The following ZNF436 variants were observed in gnomAD, a reference collection of about 807,000 sequenced individuals.
ZNF436 encodes DNA-binding protein.
In ZNF436, 22 loss-of-function variants were observed where a neutral mutation model predicts 41.9. The observed-to-expected ratio is 0.53, with a 90% CI of 0.38 to 0.75. ZNF436 has a LOEUF of 0.75. ZNF436 is among the 30% of genes least tolerant of loss of function. The probability of loss-of-function intolerance (pLI) is 0.00; values close to 1 mark genes in which losing one functional copy is unlikely to be tolerated. For synonymous variants in ZNF436, 217 were observed against 197.8 expected (o/e 1.10, Z -0.82); for missense variants, 506 against 587.3 (o/e 0.86, Z 1.43).
chr1:23,364,863 T>A (rs1048885837), intron 3 of ZNF436, among the ~76,000 whole-genome samples: 1 of 152,230 alleles, frequency 6.6e-6, no homozygotes, highest in African/African-American at 2.4e-5. Flanking sequence ...AAAGGGTTCA[T>A]GGATAAACTG....
chr1:23,363,778 G>A (rs548250067), intron 3 of ZNF436, among the ~76,000 whole-genome samples: 3 of 152,292 alleles, frequency 2.0e-5, no homozygotes, highest in African/African-American at 2.4e-5. Context: ...CGTGGCTCAC[G>A]CATGTAATCC....
At chr1:23,364,819 C>T (rs766175697) in intron 3 of ZNF436, among the ~76,000 whole-genome samples, 2 of 152,200 alleles carry the variant, frequency 1.3e-5, no homozygotes, top group Non-Finnish European at 2.9e-5. Context: ...TTTCTTAGTA[C>T]ACTCTTCAGA....
Position 23,361,958 on chromosome 1 carries a change from A to G in ZNF436, c.*11T>C, listed in dbSNP as rs368912354. ...TCAAATGAATCATTTCTCAGCCATCATAATTACAGCTTAGTCCGTATGAAC... is the reference window on the plus strand; with the variant it reads ...TCAAATGAATCATTTCTCAGCCATCGTAATTACAGCTTAGTCCGTATGAAC... On this transcript the variant is annotated 3_prime_UTR_variant, in exon 4 of 4. Transcript: ENST00000314011. 20 of 1,560,236 alleles carry G rather than the reference A, an allele frequency of 1.3e-5. No individual in the cohort carries two copies. In the African/African-American group the frequency reaches 2.5e-4, roughly 19 times the overall value.
chr1:23,361,060 G>C lies in ZNF436; in HGVS notation c.*909C>G, dbSNP rs191585796. The C allele has an allele frequency of 1.3e-5, 2 of 152,524 alleles. No individual in the cohort carries two copies. The highest frequency in any genetic ancestry group is 6.5e-5 in the Admixed American group (1 of 15,310). 9.4% of individuals were successfully genotyped at this position (152,524 alleles called of 1,614,324 possible). A position where few individuals can be genotyped will look rare whatever the true frequency, so the allele number is the denominator to read the frequency against. On this transcript the variant is annotated 3_prime_UTR_variant, in exon 4 of 4. Transcript: ENST00000314011. ...TTGATCTTAAAGATTAGAAGGGAAA[G>C]AACACAGAAACGACCTACATTCCTT...
rs144729139 is a variant in ZNF436, at chr1:23,362,035, G to A, written c.1347C>T (p.Thr449=). 7.4e-6 allele frequency: 12 copies of A among 1,614,020 alleles called. No individual in the cohort carries two copies. Among genetic ancestry groups the A allele is most frequent in the African/African-American group, 5.3e-5 (4 of 75,002 alleles). ...VHTGEKPYEC[T]ECEKSFSRSS... ...TCCTGCTGAAACTCTTCTCACATTC[G>A]GTACATTCATAAGGTTTCTCTCCCG... The change falls in exon 4 of 4, where the codon ACC becomes ACT. Residue 449 remains threonine (T), a synonymous_variant. Transcript: ENST00000314011.
chr1:23,362,842 G>A lies in ZNF436; in HGVS notation c.540C>T (p.His180=). 1 of 1,614,208 alleles carries A rather than the reference G, an allele frequency of 6.2e-7. No individual in the cohort carries two copies. ...TATGTGTTCTTTGATGCTGAATAAG[G>A]TGTGAGCTGCGACTGAAGCCTTTTC... The part of the protein sequence containing the change: ...ECGKGFSRSS[H]LIQHQRTHTG... Residue 180 remains histidine (H), a synonymous_variant, in exon 4 of 4, where the codon CAC becomes CAT. Transcript: ENST00000314011.
In ZNF436 at chr1:23,369,535, T is replaced by C. The variant is rs147377149; in HGVS notation, c.-230A>G. The C allele has an allele frequency of 3.8e-6, 2 of 532,104 alleles. No individual in the cohort carries two copies. The highest frequency in any genetic ancestry group is 7.7e-6 in the Non-Finnish European group (2 of 258,548). The allele number at this position is 532,104 out of a possible 1,614,324, so 33.0% of individuals were successfully genotyped here. Reference sequence around the variant, plus strand: ...GCAGGTAGATCTCGAATTCGTAGACTTGCAGGCGAAGCCCAGATATCGTAG... The same window carrying C: ...GCAGGTAGATCTCGAATTCGTAGACCTGCAGGCGAAGCCCAGATATCGTAG... On this transcript the variant is annotated 5_prime_UTR_variant, in exon 1 of 4. Coordinates refer to ENST00000314011, the MANE Select transcript of ZNF436 (RefSeq NM_001077195.2).
chr1:23,364,267 C>T (rs1638308786), intron 3 of ZNF436, among the ~76,000 whole-genome samples: 1 of 152,086 alleles, frequency 6.6e-6, no homozygotes, highest in Admixed American at 6.6e-5. Context: ...GATGGAATTT[C>T]ACTCTTGTTG....
At chr1:23,363,633 A>G (rs1246955023) in intron 3 of ZNF436, among the ~76,000 whole-genome samples, 1 of 152,212 alleles carries the variant, frequency 6.6e-6, no homozygotes, top group Non-Finnish European at 1.5e-5. Context: ...GAAATCCAAG[A>G]CCCAGACAAG....
chr1:23,363,228 T>A lies in ZNF436; in HGVS notation c.161-7A>T. 1.9e-6 allele frequency: 3 copies of A among 1,604,578 alleles called. No homozygotes were observed. The highest frequency in any genetic ancestry group is 2.5e-6 in the Non-Finnish European group (3 of 1,176,998). On this transcript the variant is annotated splice_region_variant and splice_polypyrimidine_tract_variant and intron_variant, in intron 3 of 3. Transcript: ENST00000314011. The stretch of plus-strand genomic sequence containing the variant: ...TCACTCCTGATCTCAAAATCTGTAA[T>A]AAAAAGTAAACAATAAGACTAGTAA...
Position 23,367,116 on chromosome 1 carries a change from C to G in ZNF436, c.86G>C (p.Arg29Thr). The G allele has an allele frequency of 6.2e-7, 1 of 1,613,274 alleles. No homozygotes were observed. Among genetic ancestry groups the G allele is most frequent in the South Asian group, 1.1e-5 (1 of 90,918 alleles). ...MAMYLTREEW[R>T]PLDAAQRDLY... ...GTCCCTCTGTGCAGCGTCCAGAGGT[C>G]TCCATTCTTCCCGGGTGAGATACAT... The change falls in exon 3 of 4, where the codon AGA becomes ACA. Residue 29 changes from arginine to threonine, a missense_variant. Physicochemically the swap from Arg to Thr is moderately conservative, Grantham distance 71. Transcript: ENST00000314011.
At chr1:23,365,352 C>T (rs984832599) in intron 3 of ZNF436, among the ~76,000 whole-genome samples, 16 of 151,006 alleles carry the variant, frequency 1.1e-4, no homozygotes, top group African/African-American at 3.4e-4. Flanking sequence ...GCTGAGATCG[C>T]GCCACTGCAC....
In ZNF436 at chr1:23,367,112, A is replaced by C. The variant is rs1468751728; in HGVS notation, c.90T>G (p.Pro30=). 1 of 1,613,890 alleles carries C rather than the reference A, an allele frequency of 6.2e-7. No homozygotes were observed. Among genetic ancestry groups the C allele is most frequent in the Non-Finnish European group, 8.5e-7 (1 of 1,179,890 alleles). Residue 30 remains proline (P), a synonymous_variant, in exon 3 of 4, where the codon CCT becomes CCG. Transcript: ENST00000314011. The part of the protein sequence containing the change: ...AMYLTREEWR[P]LDAAQRDLYR... ...AAAGGTCCCTCTGTGCAGCGTCCAG[A>C]GGTCTCCATTCTTCCCGGGTGAGAT... is the stretch of plus-strand genomic sequence containing the variant.
intron 3 of ZNF436, among the ~76,000 whole-genome samples, chr1:23,365,854 G>C (rs1459678961): frequency 6.7e-6 from 1 of 148,944 alleles, no homozygotes; most frequent in African/African-American, 2.5e-5. Flanking sequence ...GGAAGTCAAG[G>C]CTGCAATGAG....
intron 3 of ZNF436, among the ~76,000 whole-genome samples, chr1:23,363,753 A>T (rs935409672): frequency 6.6e-6 from 1 of 152,204 alleles, no homozygotes; most frequent in Admixed American, 6.5e-5. Context: ...TAAGAAAACT[A>T]TACAGGCCAG....
At chr1:23,366,659 C>T (rs1381978222) in intron 3 of ZNF436, among the ~76,000 whole-genome samples, 1 of 152,232 alleles carries the variant, frequency 6.6e-6, no homozygotes, top group African/African-American at 2.4e-5. Context: ...GTGGCTTTCG[C>T]CCTCCCATGA....
Position 23,360,172 on chromosome 1 carries a change from C to G in ZNF436, c.*1797G>C, listed in dbSNP as rs555311730. The stretch of plus-strand genomic sequence containing the variant: ...AAAAAGGAGTGGCAACATGAAGGAA[C>G]CCCCCTGGAAGATGGGTTACTTTAA... On this transcript the variant is annotated 3_prime_UTR_variant, in exon 4 of 4. Coordinates refer to ENST00000314011, the MANE Select transcript of ZNF436 (RefSeq NM_001077195.2). The G allele has an allele frequency of 6.6e-6, 1 of 152,136 alleles. No individual in the cohort carries two copies. The highest frequency in any genetic ancestry group is 1.5e-5 in the Non-Finnish European group (1 of 68,028). The allele number at this position is 152,136 out of a possible 1,614,324, so 9.4% of individuals were successfully genotyped here. A position where few individuals can be genotyped will look rare whatever the true frequency, so the allele number is the denominator to read the frequency against.
intron 3 of ZNF436, among the ~76,000 whole-genome samples, chr1:23,364,460 ACTCCTGAT>A (rs1362023143): frequency 2.0e-5 from 3 of 151,364 alleles, no homozygotes; most frequent in Non-Finnish European, 4.4e-5. Context: ...CGGGTCTTGA[ACTCCTGAT>A]CTCAGGTGAT....
rs1214788725 is a variant in ZNF436 at position 23,362,561 on chromosome 1, C to T, written c.821G>A (p.Gly274Asp). The T allele has an allele frequency of 6.2e-7, 1 of 1,614,018 alleles. No homozygotes were observed. Among genetic ancestry groups the T allele is most frequent in the South Asian group, 1.1e-5 (1 of 91,032 alleles). ...TTCGTTACATTCATAAGGTTTCTCA[C>T]CCGTGTGGGTCCTCTGGTGCTGAGC... The part of the protein sequence containing the change: ...HLAQHQRTHT[G>D]EKPYECNECG... Residue 274 changes from glycine to aspartate, a missense_variant, in exon 4 of 4, where the codon GGT becomes GAT. Gly to Asp is a moderately conservative substitution (Grantham distance 94). Transcript: ENST00000314011.
Sources: gnomAD v4.1 joint callset for allele counts (sites outside exome capture counted in the v4.1 genomes callset) on GRCh38, gnomAD v4.1.1 for gene constraint, MANE v1.5 for transcripts, NCBI Gene and HGNC (gene_info 2026-07-23, HGNC 2026-07-21) for gene names.